The following WDPCP variants were observed in gnomAD, a reference collection of about 807,000 sequenced individuals.
WDPCP encodes WD repeat containing planar cell polarity effector, also known as WD repeat-containing and planar cell polarity effector protein fritz homolog.
Under a neutral mutation model 93.1 loss-of-function variants are expected in WDPCP, and 71 were observed. That is an observed-to-expected ratio of 0.76 (90% CI 0.63 to 0.93). The LOEUF is 0.93. Ranked by LOEUF, WDPCP falls within the 40% of genes least tolerant of loss-of-function variation. WDPCP has a pLI of 0.00. For missense variants in WDPCP, 844 were observed against 887.4 expected (o/e 0.95, Z 0.62); for synonymous variants, 315 against 315.0 (o/e 1.00, Z 0.00).
At chr2:63,591,667 C>T (rs988915154), upstream of WDPCP, among the ~76,000 whole-genome samples, 4 of 152,180 alleles carry the variant, frequency 2.6e-5, no homozygotes, top group Non-Finnish European at 4.4e-5. Context: ...CCTAACCTTC[C>T]TTCATTCAAC....
chr2:63,827,547 T>C (rs1671132307), intron 1 of WDPCP: 2 of 152,282 alleles, frequency 1.3e-5, no homozygotes, highest in South Asian at 4.1e-4. Flanking sequence ...ATCTCTAACA[T>C]GATCATTTCA....
At chr2:63,300,795 A>G (rs1685270888) in intron 13 of WDPCP, among the ~76,000 whole-genome samples, 1 of 152,250 alleles carries the variant, frequency 6.6e-6, no homozygotes, top group Non-Finnish European at 1.5e-5. Context: ...TCTCTCTCTT[A>G]GCCTTTGGTC....
intron 15 of WDPCP, among the ~76,000 whole-genome samples, chr2:63,169,744 CT>C (rs1430205106): frequency 6.6e-6 from 1 of 151,864 alleles, no homozygotes; most frequent in East Asian, 1.9e-4. Context: ...TTTTCTTTGA[CT>C]TTTTTACTTC....
intron 3 of WDPCP, among the ~76,000 whole-genome samples, chr2:63,612,338 C>A (rs1380312138): frequency 6.6e-6 from 1 of 152,162 alleles, no homozygotes; most frequent in Non-Finnish European, 1.5e-5. Context: ...GCTCAATTTA[C>A]TTATTGGGTT....
intron 3 of WDPCP, among the ~76,000 whole-genome samples, chr2:63,602,798 C>T (rs1427085756): frequency 6.6e-6 from 1 of 152,162 alleles, no homozygotes; most frequent in African/African-American, 2.4e-5. Context: ...CCTTTTGAGA[C>T]TGGCTCTTTT....
chr2:63,735,753 A>G (rs1669629919), intron 2 of WDPCP, among the ~76,000 whole-genome samples: 1 of 152,198 alleles, frequency 6.6e-6, no homozygotes, highest in Non-Finnish European at 1.5e-5. Flanking sequence ...TTATGAAATC[A>G]GAATCGAATA....
intron 1 of WDPCP, among the ~76,000 whole-genome samples, chr2:63,554,127 T>G (rs544003365): frequency 9.2e-5 from 14 of 152,360 alleles, no homozygotes; most frequent in African/African-American, 3.4e-4. Context: ...TTATGTCTCT[T>G]TGGTCCACTT....
chr2:63,744,140 T>C (rs1406609857), intron 2 of WDPCP, among the ~76,000 whole-genome samples: 1 of 152,168 alleles, frequency 6.6e-6, no homozygotes, highest in African/African-American at 2.4e-5. Flanking sequence ...GTTGCAGTCA[T>C]AGTGTTCTTG....
intron 12 of WDPCP, among the ~76,000 whole-genome samples, chr2:63,336,517 G>A (rs1435476643): frequency 6.6e-6 from 1 of 152,108 alleles, no homozygotes; most frequent in Non-Finnish European, 1.5e-5. Flanking sequence ...TGTTGAGGAA[G>A]TTCACCTCTA....
intron 2 of WDPCP, among the ~76,000 whole-genome samples, chr2:63,688,256 C>T (rs540326178): frequency 6.6e-6 from 1 of 152,152 alleles, no homozygotes; most frequent in Admixed American, 6.5e-5. Flanking sequence ...GAAACCCCGT[C>T]TTTACTAAAA....
chr2:63,512,901 T>TA (rs78948199), intron 1 of WDPCP, among the ~76,000 whole-genome samples: 275 of 143,338 alleles, frequency 1.9e-3, no homozygotes, highest in East Asian at 3.4e-3. Flanking sequence ...TTTTAAAAAT[T>TA]AAAAAAAAAA....
At chr2:63,435,655 TTAA>T (rs1697089129) in intron 8 of WDPCP, among the ~76,000 whole-genome samples, 1 of 152,114 alleles carries the variant, frequency 6.6e-6, no homozygotes, top group African/African-American at 2.4e-5. Context: ...TCCTATGAGT[TTAA>T]TATTATCAGT....
At chr2:63,321,465 T>C (rs984395315) in intron 12 of WDPCP, among the ~76,000 whole-genome samples, 8 of 152,008 alleles carry the variant, frequency 5.3e-5, no homozygotes, top group African/African-American at 1.9e-4. Context: ...ACTTTGCTGA[T>C]TTATTTCCTC....
At chr2:63,537,398 C>T (rs564261326) in intron 1 of WDPCP, among the ~76,000 whole-genome samples, 2 of 152,272 alleles carry the variant, frequency 1.3e-5, no homozygotes, top group South Asian at 4.1e-4. Flanking sequence ...GTTGCCAGGG[C>T]AATTTTTCCA....
At chr2:63,699,195 C>T (rs540454506) in intron 2 of WDPCP, among the ~76,000 whole-genome samples, 3 of 152,296 alleles carry the variant, frequency 2.0e-5, no homozygotes, top group Admixed American at 6.5e-5. Context: ...TTCACCCATC[C>T]ATGGTTGTAG....
intron 14 of WDPCP, among the ~76,000 whole-genome samples, chr2:63,199,426 C>A (rs1425467456): frequency 6.6e-6 from 1 of 152,230 alleles, no homozygotes; most frequent in East Asian, 1.9e-4. Context: ...AGGCCCGGGG[C>A]CCTGCTGCTC....
chr2:63,439,743 A>C lies in WDPCP; in HGVS notation c.499+14T>G. The C allele has an allele frequency of 6.2e-7, 1 of 1,608,154 alleles. No individual in the cohort carries two copies. Among genetic ancestry groups the C allele is most frequent in the Admixed American group, 1.7e-5 (1 of 59,918 alleles). ...GTTAATGTAGGCAATTGATTTGCAC[A>C]TGGGGGTAATTACCATCACTGATGG... On this transcript the variant is annotated intron_variant, in intron 7 of 17. Coordinates refer to ENST00000272321, the MANE Select transcript of WDPCP (RefSeq NM_015910.7).
At chr2:63,612,545 A>G (rs1709624664) in intron 3 of WDPCP, among the ~76,000 whole-genome samples, 1 of 152,236 alleles carries the variant, frequency 6.6e-6, no homozygotes, top group Non-Finnish European at 1.5e-5. Context: ...ACCATGAAGA[A>G]GACAGAAAGT....
chr2:63,352,365 T>C (rs185987503), intron 12 of WDPCP, among the ~76,000 whole-genome samples: 132 of 152,342 alleles, frequency 8.7e-4, no homozygotes, highest in Non-Finnish European at 1.5e-3. Context: ...CTTCATATTC[T>C]TATCTAAAAG....
Sources: allele counts gnomAD v4.1 joint callset (sites outside exome capture counted in the v4.1 genomes callset), GRCh38; gene constraint gnomAD v4.1.1; transcripts MANE v1.5; gene names NCBI Gene and HGNC (gene_info 2026-07-23, HGNC 2026-07-21).